The following LCMT1 variants were observed in gnomAD, a reference collection of about 807,000 sequenced individuals.
LCMT1 encodes the protein [Phosphatase 2A protein]-leucine-carboxy methyltransferase 1.
LCMT1 carries 32 observed loss-of-function variants against 47.7 expected under a neutral mutation model. The ratio of observed to expected loss-of-function variants is 0.67; its 90% CI spans 0.51 to 0.90. The LOEUF is 0.90. Among genes scored for constraint, LCMT1 ranks in the 40% least tolerant of loss-of-function variants. The pLI, the probability that LCMT1 is intolerant of heterozygous loss-of-function variation, is 0.00. For missense variants in LCMT1, 375 were observed against 415.2 expected (o/e 0.90, Z 0.84); for synonymous variants, 152 against 149.7 (o/e 1.02, Z -0.11).
At chr16:25,157,643 G>T (rs754572223) in intron 5 of LCMT1, among the ~76,000 whole-genome samples, 1 of 152,170 alleles carries the variant, frequency 6.6e-6, no homozygotes, top group Non-Finnish European at 1.5e-5. Context: ...TAGCTTCTGC[G>T]CTGTAACAAA....
At chr16:25,171,271 G>C (rs929836845) in intron 9 of LCMT1, among the ~76,000 whole-genome samples, 1 of 151,638 alleles carries the variant, frequency 6.6e-6, no homozygotes, top group African/African-American at 2.4e-5. Flanking sequence ...AAAATTAGCC[G>C]GGTGTGGTGG....
At chr16:25,172,625 A>AT (rs1961810155) in intron 9 of LCMT1, among the ~76,000 whole-genome samples, 1 of 152,250 alleles carries the variant, frequency 6.6e-6, no homozygotes. Flanking sequence ...CATGAGAAGA[A>AT]TTTTGGCTTT....
intron 3 of LCMT1, among the ~76,000 whole-genome samples, chr16:25,137,875 G>C (rs989219192): frequency 6.6e-6 from 1 of 152,156 alleles, no homozygotes; most frequent in African/African-American, 2.4e-5. Flanking sequence ...TCACCTACTA[G>C]GATATGGTTA....
chr16:25,124,898 TAG>T (rs1435029129), intron 1 of LCMT1, among the ~76,000 whole-genome samples: 1 of 152,236 alleles, frequency 6.6e-6, no homozygotes, highest in African/African-American at 2.4e-5. Context: ...TAGAAAATGT[TAG>T]GCAGCACCTC....
chr16:25,138,897 C>T (rs1343512883), intron 3 of LCMT1, among the ~76,000 whole-genome samples: 2 of 152,158 alleles, frequency 1.3e-5, no homozygotes, highest in East Asian at 3.9e-4. Context: ...ATCTTCACAA[C>T]CCCATAAAGT....
chr16:25,170,460 T>C (rs1961722163), intron 8 of LCMT1, among the ~76,000 whole-genome samples: 2 of 152,118 alleles, frequency 1.3e-5, no homozygotes, highest in South Asian at 4.1e-4. Flanking sequence ...AGAGGAGGTC[T>C]GGTGTGCTTA....
At chr16:25,139,376 G>T (rs1052690332) in intron 3 of LCMT1, among the ~76,000 whole-genome samples, 1 of 151,962 alleles carries the variant, frequency 6.6e-6, no homozygotes, top group African/African-American at 2.4e-5. Context: ...TGTATCAGAG[G>T]CTGGGCACCT....
At chr16:25,132,846 A>G (rs1189695452) in intron 3 of LCMT1, among the ~76,000 whole-genome samples, 1 of 148,370 alleles carries the variant, frequency 6.7e-6, no homozygotes, top group South Asian at 2.1e-4. Flanking sequence ...GAGCTCATGC[A>G]TGCATTTGTA....
chr16:25,170,229 TTAAA>T (rs1961715849), intron 8 of LCMT1, among the ~76,000 whole-genome samples: 1 of 150,680 alleles, frequency 6.6e-6, no homozygotes, highest in Non-Finnish European at 1.5e-5. Context: ...CAAAAAAAAA[TTAAA>T]TAAATAAATA....
At chr16:25,132,373 C>T in intron 2 of LCMT1, 29 bp from the exon 3 acceptor site, 1 of 1,611,922 alleles carries the variant, frequency 6.2e-7, no homozygotes, top group Non-Finnish European at 8.5e-7. Context: ...TGGGTGATAG[C>T]TTGTTTCTGT....
At chr16:25,114,598 A>G (rs1292574369) in intron 1 of LCMT1, among the ~76,000 whole-genome samples, 2 of 151,862 alleles carry the variant, frequency 1.3e-5, no homozygotes, top group Non-Finnish European at 2.9e-5. Flanking sequence ...CTGTGACCCA[A>G]CCATCCCACC....
At chr16:25,154,675 A>G (rs1961187940) in intron 5 of LCMT1, among the ~76,000 whole-genome samples, 1 of 151,670 alleles carries the variant, frequency 6.6e-6, no homozygotes, top group Non-Finnish European at 1.5e-5. Context: ...TTTTTAGTAG[A>G]GACGGGGTTT....
At chr16:25,163,133 A>G (rs781331280) in intron 6 of LCMT1, among the ~76,000 whole-genome samples, 1 of 152,252 alleles carries the variant, frequency 6.6e-6, no homozygotes, top group Non-Finnish European at 1.5e-5. Context: ...AAGTGTTGGA[A>G]TTAACAGGCG....
chr16:25,153,420 AAG>A (rs1350795047), intron 5 of LCMT1, among the ~76,000 whole-genome samples: 1 of 152,232 alleles, frequency 6.6e-6, no homozygotes, highest in Non-Finnish European at 1.5e-5. Flanking sequence ...GTAGAAAGGC[AAG>A]AGAGCATGAC....
At position 25,141,378 on chromosome 16, in the gene LCMT1, C is replaced by T. The variant is rs180925940; in HGVS notation, c.404+1131C>T. 7.9e-3 allele frequency: 1,200 copies of T among 152,338 alleles called. 7 individuals are homozygous for T. The highest frequency in any genetic ancestry group is 0.012 in the Non-Finnish European group (786 of 68,054). The allele number at this position is 152,338 out of a possible 1,614,324, so 9.4% of individuals were successfully genotyped here. A position where few individuals can be genotyped will look rare whatever the true frequency, so the allele number is the denominator to read the frequency against. On this transcript the variant is annotated intron_variant, in intron 4 of 10. Transcript: ENST00000399069. ...ATTTTCTTTTGGAGACAGGGTCTCA[C>T]TCTGTCATCCAGGTAGGAGTGCAGT...
rs59940814 is a variant in LCMT1, at chr16:25,113,140, CAAAAA to C, written c.113+1160_113+1164del. Among the ~76,000 whole-genome samples the C allele has an allele frequency of 5.8e-3, 631 of 109,052 alleles. 8 individuals carry two copies. The highest frequency in any genetic ancestry group is 0.022 in the African/African-American group (599 of 27,664). 71.5% of individuals were successfully genotyped at this position (109,052 alleles called of 152,430 possible). ...TGGATGAGAGTGCGAGACTATGTCTCAAAAAAAAAAAAAAAAAAAAGTGAGAAGAA... is the reference window on the plus strand; with the variant it reads ...TGGATGAGAGTGCGAGACTATGTCTCAAAAAAAAAAAAAAAGTGAGAAGAA... On this transcript the variant is annotated intron_variant, in intron 1 of 10. Transcript: ENST00000399069.
chr16:25,118,383 C>A (rs1959864798), intron 1 of LCMT1, among the ~76,000 whole-genome samples: 2 of 152,068 alleles, frequency 1.3e-5, no homozygotes, highest in South Asian at 4.1e-4. Flanking sequence ...TGCTTAGTTC[C>A]ACATTATCTC....
intron 4 of LCMT1, 119 bp from the exon 5 acceptor site, chr16:25,151,435 T>C (rs1290761555): frequency 9.6e-6 from 8 of 830,716 alleles, no homozygotes; most frequent in Admixed American, 9.2e-5. Context: ...CTTTGAACAA[T>C]AGCAAATATA....
intron 3 of LCMT1, among the ~76,000 whole-genome samples, chr16:25,138,559 T>C (rs1393000286): frequency 1.3e-5 from 2 of 151,960 alleles, no homozygotes; most frequent in Non-Finnish European, 2.9e-5. Flanking sequence ...ATGTGTGTCT[T>C]TCATATTTGT....
Sources: allele counts gnomAD v4.1 joint callset (sites outside exome capture counted in the v4.1 genomes callset), GRCh38; gene constraint gnomAD v4.1.1; transcripts MANE v1.5; gene names NCBI Gene and HGNC (gene_info 2026-07-23, HGNC 2026-07-21).